The following MMP8 variants were observed in gnomAD, a reference collection of about 807,000 sequenced individuals.
MMP8 encodes neutrophil collagenase.
MMP8 carries 67 observed loss-of-function variants against 51.2 expected under a neutral mutation model. The observed-to-expected ratio is 1.31, with a 90% confidence interval of 1.08 to 1.60. MMP8 has a LOEUF of 1.60. Ranked by LOEUF, MMP8 falls within the 40% of genes most tolerant of loss-of-function variation. The pLI is 0.00. For missense variants in MMP8, 654 were observed against 558.1 expected, an observed-to-expected ratio of 1.17 and a Z score of -1.73; for synonymous variants, 225 against 191.0, an observed-to-expected ratio of 1.18 and a Z score of -1.47.
rs961989822 is a variant in MMP8 at position 102,722,468 on chromosome 11, G to A, written c.308C>T (p.Pro103Leu). Reference protein sequence around the residue: ...VPDSGGFMLTPGNPKWERTNL... With the variant: ...VPDSGGFMLTLGNPKWERTNL... ...AGTGCGTTCCCACTTGGGGTTTCCT[G>A]GGGTTAACATAAAACCACCACTGTC... Residue 103 changes from proline to leucine, a missense_variant, in exon 2 of 10, where the codon CCA (proline) becomes CTA (leucine). Coordinates refer to ENST00000236826, the MANE Select transcript of MMP8 (RefSeq NM_002424.3). 6.8e-6 allele frequency: 11 copies of A among 1,613,680 alleles called. No homozygotes were observed. Among genetic ancestry groups the A allele is most frequent in the East Asian group, 2.2e-5 (1 of 44,896 alleles).
In MMP8 at chr11:102,721,531, A is replaced by G. The variant is rs1216039522; in HGVS notation, c.497-5T>C. 8 of 1,613,692 alleles carry G rather than the reference A, an allele frequency of 5.0e-6. No homozygotes were observed. In the Admixed American group the frequency reaches 1.0e-4, roughly 20 times the overall value. Reference sequence around the variant, plus strand: ...ATGGAGAATTGTCACCGTGATCTGAAATAAGAACATTTGTATTAGATCCTT... The same window carrying G: ...ATGGAGAATTGTCACCGTGATCTGAGATAAGAACATTTGTATTAGATCCTT... On this transcript the variant is annotated splice_polypyrimidine_tract_variant and splice_region_variant and intron_variant, in intron 3 of 9. Transcript: ENST00000236826.
intron 1 of MMP8, chr11:102,723,677 C>A: frequency 3.5e-6 from 1 of 287,086 alleles, no homozygotes. Flanking sequence ...GAGCCAGAAC[C>A]CACTCCAGCA....
rs1341860994 is a variant in MMP8 at position 102,721,448 on chromosome 11, C to T, written c.575G>A (p.Gly192Glu). The T allele has an allele frequency of 6.2e-7, 1 of 1,613,814 alleles. No homozygotes were observed. The highest frequency in any genetic ancestry group is 1.7e-5 in the Admixed American group (1 of 59,952). The change falls in exon 4 of 10, where the codon GGA (glycine) becomes GAA (glutamate). Residue 192 changes from glycine (G) to glutamate (E), a missense_variant. By Grantham distance (98) the Gly-to-Glu change is moderately conservative (BLOSUM62 -2). Coordinates refer to ENST00000236826, the MANE Select transcript of MMP8 (RefSeq NM_002424.3). Reference sequence around the variant, plus strand: ...TTCTTCGGCATCAAAATGAGCATCTCCTCCAATACCTTGGCCTGGCTGAAA... The same window carrying T: ...TTCTTCGGCATCAAAATGAGCATCTTCTCCAATACCTTGGCCTGGCTGAAA... The part of the protein sequence containing the change: ...HAFQPGQGIG[G>E]DAHFDAEETW...
chr11:102,713,340 AT>A lies in MMP8; in HGVS notation c.*7del. 1.3e-6 allele frequency: 2 copies of A among 1,593,904 alleles called. No individual in the cohort carries two copies. Among genetic ancestry groups the A allele is most frequent in the Non-Finnish European group, 1.7e-6 (2 of 1,162,376 alleles). ...CTGAAAGTGGATACAGCCACATTTG[AT>A]TTTGCTTCAGCCATATCTACAGTTA... On this transcript the variant is annotated 3_prime_UTR_variant, in exon 10 of 10. Transcript: ENST00000236826.
Position 102,721,671 on chromosome 11 carries a change from T to A in MMP8, c.439A>T (p.Ile147Phe), listed in dbSNP as rs1416982107. ...TCTCCCTGTGAGATCCTGGTGAAGA[T>A]GAGAGGTGATGCAACACTCCAGAGT... ...FELWSVASPL[I>F]FTRISQGEAD... Residue 147 changes from isoleucine (I) to phenylalanine (F), a missense_variant, in exon 3 of 10, where the codon ATC becomes TTC. Coordinates refer to ENST00000236826, the MANE Select transcript of MMP8 (RefSeq NM_002424.3). 2 of 1,613,788 alleles carry A rather than the reference T, an allele frequency of 1.2e-6. No homozygotes were observed. Among genetic ancestry groups the A allele is most frequent in the East Asian group, 4.5e-5 (2 of 44,876 alleles).
Position 102,724,606 on chromosome 11 carries a change from C to T in MMP8, c.102+148G>A, listed in dbSNP as rs1471293650. 4.7e-6 allele frequency: 3 copies of T among 644,130 alleles called. No homozygotes were observed. In the Admixed American group the frequency reaches 8.9e-5, roughly 19 times the overall value. 39.9% of individuals were successfully genotyped at this position (644,130 alleles called of 1,614,324 possible). ...GGCCTAGTCCTTACCAGCTTGGAAC[C>T]CTCCAAATCACTAAAAGGAGATGTT... On this transcript the variant is annotated intron_variant, in intron 1 of 9. Transcript: ENST00000236826.
In MMP8 at chr11:102,722,632, A is replaced by T; in HGVS notation, c.144T>A (p.Tyr48Ter). The change falls in exon 2 of 10, where the codon TAT becomes TAA. Residue 48 changes from tyrosine (Y) to a stop codon, truncating the protein, a stop_gained. Coordinates refer to ENST00000236826, the MANE Select transcript of MMP8 (RefSeq NM_002424.3). LOFTEE classifies it high-confidence loss of function. ...TAGTGCCATTCTTCCTTGTAGACTGATACTGGTTGCTTGGTAATTGGTAGA... is the reference window on the plus strand; with the variant it reads ...TAGTGCCATTCTTCCTTGTAGACTGTTACTGGTTGCTTGGTAATTGGTAGA... ...EKFYQLPSNQ[Y>*]QSTRKNGTNV... 6.2e-7 allele frequency: 1 copy of T among 1,613,778 alleles called. No individual in the cohort carries two copies. The highest frequency in any genetic ancestry group is 8.5e-7 in the Non-Finnish European group (1 of 1,179,776).
chr11:102,718,277 G>A, intron 5 of MMP8, 137 bp downstream of exon 5: 1 of 932,156 alleles, frequency 1.1e-6, no homozygotes, highest in Non-Finnish European at 1.6e-6. Flanking sequence ...CTTTGTTAAT[G>A]CTTTATTACT....
Position 102,713,248 on chromosome 11 carries a change from A to C in MMP8, c.*100T>G. On this transcript the variant is annotated 3_prime_UTR_variant, in exon 10 of 10. Transcript: ENST00000236826. Reference sequence around the variant, plus strand: ...ATACAGTGATGGGAAACAATGACTTAATATTGAGAAAAGTATAAGCAGGAC... The same window carrying C: ...ATACAGTGATGGGAAACAATGACTTCATATTGAGAAAAGTATAAGCAGGAC... The C allele has an allele frequency of 1.3e-6, 1 of 769,742 alleles. No homozygotes were observed. The highest frequency in any genetic ancestry group is 1.6e-5 in the South Asian group (1 of 64,136). The allele number at this position is 769,742 out of a possible 1,614,324, so 47.7% of individuals were successfully genotyped here.
At chr11:102,722,389 C>A in intron 2 of MMP8, 40 bp downstream of exon 2, 1 of 1,604,994 alleles carries the variant, frequency 6.2e-7, no homozygotes, top group Non-Finnish European at 8.5e-7. Flanking sequence ...CCAGTCCATA[C>A]TGGATAAATG....
rs542100025 is a variant in MMP8 at position 102,715,237 on chromosome 11, C to T, written c.1036+67G>A. 3.3e-6 allele frequency: 5 copies of T among 1,531,970 alleles called. No homozygotes were observed. In the South Asian group the frequency reaches 5.2e-5, roughly 16 times the overall value. 94.9% of individuals were successfully genotyped at this position (1,531,970 alleles called of 1,614,324 possible). ...TAGCTCACCATGAACCTGAAAGGGA[C>T]CACAAAGAAGTCCTGCCCCCTCCCT... On this transcript the variant is annotated intron_variant, in intron 7 of 9. Transcript: ENST00000236826.
intron 6 of MMP8, among the ~76,000 whole-genome samples, chr11:102,716,014 G>GT (rs140694314): frequency 0.02 from 2,918 of 149,420 alleles, 34 homozygotes; most frequent in Non-Finnish European, 0.03. Context: ...ATGTTTTCAT[G>GT]TTTTTTTTTT....
intron 5 of MMP8, among the ~76,000 whole-genome samples, chr11:102,716,646 A>G (rs1487671525): frequency 6.6e-6 from 1 of 152,104 alleles, no homozygotes; most frequent in East Asian, 1.9e-4. Context: ...TTCCAGGTCA[A>G]GCTGTGAAGT....
At position 102,716,402 on chromosome 11, in the gene MMP8, T is replaced by G. The variant is rs950509832; in HGVS notation, c.802A>C (p.Ile268Leu). 1 of 1,442,220 alleles carries G rather than the reference T, an allele frequency of 6.9e-7. No homozygotes were observed. Among genetic ancestry groups the G allele is most frequent in the Non-Finnish European group, 9.2e-7 (1 of 1,081,910 alleles). The allele number at this position is 1,442,220 out of a possible 1,614,324, so 89.3% of individuals were successfully genotyped here. ...GGTGTGCTTGGTCCAGTAGGTTGGA[T>G]AGGGTTGCTTGAAAGTCCTGGAAAA... ...QAIYGLSSNP[I>L]QPTGPSTPKP... The change falls in exon 6 of 10, where the codon ATC becomes CTC. Residue 268 changes from isoleucine (I) to leucine (L), a missense_variant. Physicochemically the swap from Ile to Leu is conservative, Grantham distance 5. Transcript: ENST00000236826.
intron 7 of MMP8, 24 bp downstream of exon 7, chr11:102,715,280 A>G (rs1861256050): frequency 1.3e-6 from 2 of 1,598,724 alleles, no homozygotes; most frequent in Non-Finnish European, 1.7e-6. Context: ...GAACTAACAT[A>G]AGATGAAAAC....
chr11:102,723,619 C>A, intron 1 of MMP8: 1 of 402,214 alleles, frequency 2.5e-6, no homozygotes, highest in South Asian at 1.8e-5. Flanking sequence ...CAAAGGGCAG[C>A]CCCTCTTTAT....
rs563802778 is a variant in MMP8, at chr11:102,721,428, C to G, written c.595G>C (p.Glu199Gln). Reference sequence around the variant, plus strand: ...GCGGAGGTGTTGGTCCATGTTTCTTCGGCATCAAAATGAGCATCTCCTCCA... The same window carrying G: ...GCGGAGGTGTTGGTCCATGTTTCTTGGGCATCAAAATGAGCATCTCCTCCA... ...GIGGDAHFDA[E>Q]ETWTNTSANY... Residue 199 changes from glutamate (E) to glutamine (Q), a missense_variant, in exon 4 of 10, where the codon GAA becomes CAA. Coordinates refer to ENST00000236826, the MANE Select transcript of MMP8 (RefSeq NM_002424.3). 2.0e-5 allele frequency: 32 copies of G among 1,613,492 alleles called. No homozygotes were observed. Among genetic ancestry groups the G allele is most frequent in the Non-Finnish European group, 2.4e-5 (28 of 1,179,780 alleles).
rs1861298173 is a variant in MMP8, at chr11:102,716,422, G to GAA, written c.785-4_785-3insTT. ...TTGGATAGGGTTGCTTGAAAGTCCT[G>GAA]GAAAAAAAAAAAAAAAAAAAAAAAA... On this transcript the variant is annotated splice_region_variant and splice_polypyrimidine_tract_variant and intron_variant, in intron 5 of 9. Coordinates refer to ENST00000236826, the MANE Select transcript of MMP8 (RefSeq NM_002424.3). 1.4e-5 allele frequency: 7 copies of GAA among 495,830 alleles called. No individual in the cohort carries two copies. Among genetic ancestry groups the GAA allele is most frequent in the South Asian group, 8.3e-5 (2 of 24,142 alleles). The allele number at this position is 495,830 out of a possible 1,614,324, so 30.7% of individuals were successfully genotyped here. A position where few individuals can be genotyped will look rare whatever the true frequency, so the allele number is the denominator to read the frequency against.
chr11:102,721,362 T>C (rs377577025), intron 4 of MMP8, 39 bp downstream of exon 4: 96 of 1,611,438 alleles, frequency 6.0e-5, no homozygotes, highest in Middle Eastern at 1.6e-4. Context: ...AAAAGGTTAA[T>C]TCAGAAGCTG....
Sources: allele counts gnomAD v4.1 joint callset (sites outside exome capture counted in the v4.1 genomes callset), GRCh38; gene constraint gnomAD v4.1.1; transcripts MANE v1.5; gene names NCBI Gene and HGNC (gene_info 2026-07-23, HGNC 2026-07-21).